The following SYN2 variants were observed in gnomAD, a reference collection of about 807,000 sequenced individuals.
SYN2 encodes synapsin II.
In SYN2, 19 loss-of-function variants were observed where a neutral mutation model predicts 50.9. The observed-to-expected ratio is 0.37, with a 90% confidence interval of 0.26 to 0.55. SYN2 has a LOEUF of 0.55. Among genes scored for constraint, SYN2 ranks in the 20% least tolerant of loss-of-function variants. The probability of loss-of-function intolerance (pLI) is 0.81; values close to 1 mark genes in which losing one functional copy is unlikely to be tolerated. For missense variants in SYN2, 587 were observed against 576.4 expected (o/e 1.02, Z -0.19); for synonymous variants, 255 against 224.9 (o/e 1.13, Z -1.20).
At chr3:12,014,569 G>A (rs1371941834) in intron 1 of SYN2, among the ~76,000 whole-genome samples, 1 of 152,144 alleles carries the variant, frequency 6.6e-6, no homozygotes, top group Non-Finnish European at 1.5e-5. Context: ...AAGGCAAATG[G>A]AATAAAATTG....
Position 12,168,454 on chromosome 3 carries a change from AGAT to A in SYN2, c.1136_1138del (p.Asp379del), listed in dbSNP as rs751549255. The A allele has an allele frequency of 3.1e-6, 5 of 1,613,760 alleles. No individual in the cohort carries two copies. The highest frequency in any genetic ancestry group is 4.2e-6 in the Non-Finnish European group (5 of 1,179,866). ...GTGCTGTCAAAGCTGTACATGGCAA[AGAT>A]GGGAAAGACTACATTTTTGAGGTAA... On this transcript the variant is annotated inframe_deletion, in exon 9 of 13. Transcript: ENST00000621198.
At chr3:12,131,839 T>A (rs1696801651) in intron 1 of SYN2, among the ~76,000 whole-genome samples, 1 of 152,094 alleles carries the variant, frequency 6.6e-6, no homozygotes, top group Admixed American at 6.6e-5. Flanking sequence ...CTGCTTTTCT[T>A]AAGAGATCTC....
At chr3:12,040,407 A>G (rs1462037379) in intron 1 of SYN2, among the ~76,000 whole-genome samples, 1 of 151,054 alleles carries the variant, frequency 6.6e-6, no homozygotes, top group East Asian at 1.9e-4. Flanking sequence ...AGACAGCATC[A>G]ACGGTATTGG....
chr3:12,110,259 A>C (rs1345475986), intron 1 of SYN2, among the ~76,000 whole-genome samples: 1 of 152,206 alleles, frequency 6.6e-6, no homozygotes, highest in Admixed American at 6.5e-5. Flanking sequence ...TCCATGTCTC[A>C]CATCCGGATC....
chr3:12,153,707 G>C, intron 5 of SYN2: 1 of 1,614,168 alleles, frequency 6.2e-7, no homozygotes. Flanking sequence ...TGTAGCAGGT[G>C]GTGATCTAGA....
chr3:12,137,492 T>C (rs1048221842), intron 1 of SYN2, among the ~76,000 whole-genome samples: 1 of 152,216 alleles, frequency 6.6e-6, no homozygotes, highest in Non-Finnish European at 1.5e-5. Context: ...TATTTTTAAA[T>C]GTAAGCCATT....
chr3:12,173,641 C>T (rs765206677), intron 10 of SYN2, among the ~76,000 whole-genome samples: 10 of 152,198 alleles, frequency 6.6e-5, no homozygotes, highest in Non-Finnish European at 7.3e-5. Flanking sequence ...TGAGGCCAGA[C>T]GCAGTGACTC....
chr3:12,182,922 T>C (rs1698255912), intron 10 of SYN2, among the ~76,000 whole-genome samples: 1 of 152,168 alleles, frequency 6.6e-6, no homozygotes, highest in African/African-American at 2.4e-5. Flanking sequence ...CCCTTTCCTT[T>C]AGACAGCCAG....
At chr3:12,008,908 A>G (rs2618384) in intron 1 of SYN2, among the ~76,000 whole-genome samples, 29,454 of 152,162 alleles carry the variant, frequency 0.19, 5,431 homozygotes, top group African/African-American at 0.49. Context: ...CGAAGAGACT[A>G]GATTGATGCG....
At chr3:12,145,650 T>C (rs1290561600) in intron 3 of SYN2, 29 bp from the exon 4 acceptor site, 4 of 1,610,704 alleles carry the variant, frequency 2.5e-6, no homozygotes, top group Admixed American at 1.7e-5. Flanking sequence ...TGCTGGTTAA[T>C]GGCAAACCTG....
intron 1 of SYN2, among the ~76,000 whole-genome samples, chr3:12,024,638 T>G (rs1023503293): frequency 2.0e-5 from 3 of 152,240 alleles, no homozygotes; most frequent in Non-Finnish European, 4.4e-5. Context: ...TTGACATTGC[T>G]GATTTGTATT....
At chr3:12,054,603 T>C (rs1240985369) in intron 1 of SYN2, among the ~76,000 whole-genome samples, 1 of 152,096 alleles carries the variant, frequency 6.6e-6, no homozygotes, top group African/African-American at 2.4e-5. Context: ...AGGTCTCCCT[T>C]TGTAACCCTC....
Position 12,169,860 on chromosome 3 carries a change from C to G in SYN2, c.1262C>G (p.Thr421Ser). Residue 421 changes from threonine (T) to serine (S), a missense_variant, in exon 10 of 13, where the codon ACT (threonine) becomes AGT (serine). Transcript: ENST00000621198. ...ISKMNQLLSR[T>S]PALSPQRPLT... ...AAGATGAACCAGCTGCTGTCCAGGA[C>G]TCCTGCCCTGTCTCCTCAGAGACCC... 6.2e-7 allele frequency: 1 copy of G among 1,613,356 alleles called. No individual in the cohort carries two copies. Among genetic ancestry groups the G allele is most frequent in the Non-Finnish European group, 8.5e-7 (1 of 1,179,594 alleles).
At chr3:12,021,046 A>T (rs543504314) in intron 1 of SYN2, among the ~76,000 whole-genome samples, 1 of 152,334 alleles carries the variant, frequency 6.6e-6, no homozygotes, top group East Asian at 1.9e-4. Flanking sequence ...TACTCTAGCT[A>T]TAACTTCATA....
intron 4 of SYN2, among the ~76,000 whole-genome samples, chr3:12,146,538 A>T (rs1697153748): frequency 1.3e-5 from 2 of 152,222 alleles, no homozygotes; most frequent in Admixed American, 1.3e-4. Context: ...GGAAGATATC[A>T]TTATTGTCAC....
chr3:12,036,066 G>A (rs1694492160), intron 1 of SYN2, among the ~76,000 whole-genome samples: 1 of 152,176 alleles, frequency 6.6e-6, no homozygotes, highest in South Asian at 2.1e-4. Context: ...TAGGTGCCTG[G>A]AATTTTTCTT....
At chr3:12,130,879 T>A (rs930203840) in intron 1 of SYN2, among the ~76,000 whole-genome samples, 1 of 152,194 alleles carries the variant, frequency 6.6e-6, no homozygotes, top group African/African-American at 2.4e-5. Context: ...GGACTAGGCT[T>A]CCAGAAGGAG....
At chr3:12,052,292 TTTC>T (rs1694882118) in intron 1 of SYN2, among the ~76,000 whole-genome samples, 1 of 151,724 alleles carries the variant, frequency 6.6e-6, no homozygotes, top group Non-Finnish European at 1.5e-5. Flanking sequence ...GTTCTATTCA[TTTC>T]TTTTTTTCTT....
chr3:12,110,857 T>C (rs966341989), intron 1 of SYN2, among the ~76,000 whole-genome samples: 1 of 152,188 alleles, frequency 6.6e-6, no homozygotes, highest in African/African-American at 2.4e-5. Flanking sequence ...TGTACCCCCA[T>C]TGTATCTGGG....
Sources: allele counts gnomAD v4.1 joint callset (sites outside exome capture counted in the v4.1 genomes callset), GRCh38; gene constraint gnomAD v4.1.1; transcripts MANE v1.5; gene names NCBI Gene and HGNC (gene_info 2026-07-23, HGNC 2026-07-21).